MYT1L: variants seen among roughly 807,000 people sequenced by gnomAD.
The protein encoded by MYT1L is myelin transcription factor 1-like protein.
In MYT1L, 12 loss-of-function variants were observed where a neutral mutation model predicts 126.7. That is an observed-to-expected ratio of 0.09 (90% CI 0.06 to 0.15). MYT1L has a LOEUF of 0.15. Ranked by LOEUF, MYT1L falls within the 10% of genes least tolerant of loss-of-function variation. The probability of loss-of-function intolerance (pLI) is 1.00; values close to 1 mark genes in which losing one functional copy is unlikely to be tolerated. For synonymous variants in MYT1L, 541 were observed against 604.2 expected, an observed-to-expected ratio of 0.90 and a Z score of 1.53; for missense variants, 979 against 1,585.2, an observed-to-expected ratio of 0.62 and a Z score of 6.49.
intron 2 of MYT1L, among the ~76,000 whole-genome samples, chr2:2,204,360 C>A (rs1266368740): frequency 6.6e-6 from 1 of 151,372 alleles, no homozygotes; most frequent in African/African-American, 2.4e-5. Context: ...GCAACCTACT[C>A]ATCTGACAAA....
In MYT1L at chr2:2,057,833, C is replaced by T. The variant is rs572127203; in HGVS notation, c.-303-3710G>A. Among the ~76,000 whole-genome samples the T allele has an allele frequency of 5.9e-5, 9 of 152,312 alleles. No homozygotes were observed. In the South Asian group the frequency reaches 1.9e-3, roughly 32 times the overall value. On this transcript the variant is annotated intron_variant, in intron 3 of 24. Transcript: ENST00000647738. ...TGGCATGGCTGTACACAGTTTAACT[C>T]TTCATGCTCTGGAGGCCATCTGGGC...
intron 3 of MYT1L, among the ~76,000 whole-genome samples, chr2:2,121,963 T>C (rs2081077273): frequency 6.6e-6 from 1 of 152,284 alleles, no homozygotes; most frequent in Admixed American, 6.5e-5. Context: ...CCGGCCCCGA[T>C]GGCAGGGAAG....
chr2:2,143,947 G>A (rs541237326), intron 3 of MYT1L, among the ~76,000 whole-genome samples: 2 of 149,024 alleles, frequency 1.3e-5, no homozygotes, highest in African/African-American at 2.5e-5. Context: ...AGCAATAGAC[G>A]CTGGGGACTA....
chr2:2,066,146 ACTT>A (rs1229104866), intron 3 of MYT1L, among the ~76,000 whole-genome samples: 3 of 152,218 alleles, frequency 2.0e-5, no homozygotes, highest in African/African-American at 4.8e-5. Flanking sequence ...ACACTTTTAA[ACTT>A]CTTCTAATGT....
intron 1 of MYT1L, among the ~76,000 whole-genome samples, chr2:2,314,428 C>T (rs975486241): frequency 2.0e-5 from 3 of 152,282 alleles, no homozygotes; most frequent in African/African-American, 7.2e-5. Flanking sequence ...AGGCCTGGTC[C>T]TTTTTCCCCA....
Position 1,970,552 on chromosome 2 carries a change from T to G in MYT1L, c.152+8613A>C, listed in dbSNP as rs186207995. Among the ~76,000 whole-genome samples, 442 of 152,280 alleles carry G rather than the reference T, an allele frequency of 2.9e-3. 2 individuals carry two copies. The highest frequency in any genetic ancestry group is 0.01 in the African/African-American group (428 of 41,574). On this transcript the variant is annotated intron_variant, in intron 8 of 24. Coordinates refer to ENST00000647738, the MANE Select transcript of MYT1L (RefSeq NM_001303052.2). ...TGTCCATGAGAGGGGCATCCCGTGG[T>G]CGGCAGAGGCTCCAGGCACACAGGG... is the stretch of plus-strand genomic sequence containing the variant.
At chr2:2,319,891 A>G (rs2096131122) in intron 1 of MYT1L, among the ~76,000 whole-genome samples, 1 of 152,018 alleles carries the variant, frequency 6.6e-6, no homozygotes, top group Non-Finnish European at 1.5e-5. Context: ...ATATATGCAC[A>G]TTGTATTAAT....
Position 2,141,247 on chromosome 2 carries a change from T to C in MYT1L, c.-304+31625A>G, listed in dbSNP as rs141481114. ...ATAAAAATACATGGTTGTGTGTAAA[T>C]GGGATCCCACAGGTAAACCCTTTAT... On this transcript the variant is annotated intron_variant, in intron 3 of 24. Coordinates refer to ENST00000647738, the MANE Select transcript of MYT1L (RefSeq NM_001303052.2). Among the ~76,000 whole-genome samples, 708 of 152,326 alleles carry C rather than the reference T, an allele frequency of 4.6e-3. 6 individuals carry two copies. The highest frequency in any genetic ancestry group is 5.0e-3 in the Non-Finnish European group (343 of 68,034).
intron 1 of MYT1L, among the ~76,000 whole-genome samples, chr2:2,285,719 A>C (rs748932764): frequency 3.9e-5 from 6 of 152,174 alleles, no homozygotes; most frequent in Non-Finnish European, 8.8e-5. Flanking sequence ...CCCATTTCCG[A>C]GTATCCAGCT....
intron 21 of MYT1L, among the ~76,000 whole-genome samples, chr2:1,814,030 A>C (rs1452492580): frequency 1.3e-4 from 19 of 146,644 alleles, no homozygotes; most frequent in African/African-American, 4.3e-4. Context: ...CCGTCCCCAA[A>C]AAAAAAAAAA....
At chr2:2,322,643 C>A (rs1168694706) in intron 1 of MYT1L, among the ~76,000 whole-genome samples, 1 of 151,012 alleles carries the variant, frequency 6.6e-6, no homozygotes, top group Non-Finnish European at 1.5e-5. Flanking sequence ...GGCAGCCAGG[C>A]ACAAAGAGCA....
At chr2:2,240,525 T>C (rs2094417900) in intron 2 of MYT1L, among the ~76,000 whole-genome samples, 1 of 152,186 alleles carries the variant, frequency 6.6e-6, no homozygotes, top group African/African-American at 2.4e-5. Context: ...TACTTTGAAA[T>C]AGTACATAAT....
chr2:2,274,249 A>G (rs2095318011), intron 2 of MYT1L, among the ~76,000 whole-genome samples: 1 of 151,890 alleles, frequency 6.6e-6, no homozygotes, highest in Non-Finnish European at 1.5e-5. Flanking sequence ...ATTATATATA[A>G]CTCCAAAATA....
At chr2:1,900,112 C>T (rs1018023680) in intron 14 of MYT1L, among the ~76,000 whole-genome samples, 3 of 152,184 alleles carry the variant, frequency 2.0e-5, no homozygotes, top group African/African-American at 7.2e-5. Flanking sequence ...TTTTTAGGAA[C>T]AATGACTCAA....
intron 3 of MYT1L, among the ~76,000 whole-genome samples, chr2:2,137,311 A>C (rs373469408): frequency 6.6e-6 from 1 of 152,176 alleles, no homozygotes; most frequent in Non-Finnish European, 1.5e-5. Flanking sequence ...GCTACCAATG[A>C]CTTTCTTCAC....
At chr2:1,800,287 C>T (rs956512072) in intron 23 of MYT1L, 6 of 152,326 alleles carry the variant, frequency 3.9e-5, no homozygotes, top group Admixed American at 2.0e-4. Context: ...CTCCATTCCC[C>T]AAGCCTAACG....
intron 3 of MYT1L, among the ~76,000 whole-genome samples, chr2:2,133,463 G>A (rs2082642669): frequency 6.6e-6 from 1 of 152,124 alleles, no homozygotes; most frequent in Non-Finnish European, 1.5e-5. Context: ...TGCTATTTGT[G>A]GAGATTAATC....
At chr2:1,859,699 C>T (rs2044334144) in intron 18 of MYT1L, among the ~76,000 whole-genome samples, 1 of 152,232 alleles carries the variant, frequency 6.6e-6, no homozygotes, top group South Asian at 2.1e-4. Flanking sequence ...GGATTTACAC[C>T]GTGGCTTGCG....
intron 2 of MYT1L, among the ~76,000 whole-genome samples, chr2:2,278,365 G>C (rs1045211084): frequency 8.5e-5 from 13 of 152,194 alleles, no homozygotes; most frequent in Admixed American, 2.6e-4. Context: ...GTCTGGTTTA[G>C]GGATCCCTCC....
Sources: gnomAD v4.1 joint callset for allele counts (sites outside exome capture counted in the v4.1 genomes callset) on GRCh38, gnomAD v4.1.1 for gene constraint, MANE v1.5 for transcripts, NCBI Gene and HGNC (gene_info 2026-07-23, HGNC 2026-07-21) for gene names.